FBXO46: variants seen among roughly 807,000 people sequenced by gnomAD.
FBXO46 encodes the protein F-box only protein 46.
In FBXO46, 13 loss-of-function variants were observed where a neutral mutation model predicts 30.7. That is an observed-to-expected ratio of 0.42 (90% CI 0.28 to 0.67). FBXO46 has a LOEUF of 0.67. Ranked by LOEUF, FBXO46 falls within the 30% of genes least tolerant of loss-of-function variation. The pLI is 0.21. For synonymous variants in FBXO46, 467 were observed against 385.8 expected (o/e 1.21, Z -2.47); for missense variants, 754 against 871.5 (o/e 0.87, Z 1.70).
upstream of FBXO46, among the ~76,000 whole-genome samples, chr19:45,731,669 G>A (rs1275618851): frequency 6.6e-6 from 1 of 151,858 alleles, no homozygotes; most frequent in East Asian, 1.9e-4. Flanking sequence ...AGCCTTAGGA[G>A]GAAGGAAAGT....
At position 45,711,550 on chromosome 19, in the gene FBXO46, C is replaced by T. The variant is rs1401381563; in HGVS notation, c.*134G>A. 1.3e-6 allele frequency: 1 copy of T among 769,200 alleles called. No individual in the cohort carries two copies. The highest frequency in any genetic ancestry group is 2.0e-5 in the Admixed American group (1 of 50,054). 47.6% of individuals were successfully genotyped at this position (769,200 alleles called of 1,614,324 possible). A position where few individuals can be genotyped will look rare whatever the true frequency, so the allele number is the denominator to read the frequency against. On this transcript the variant is annotated 3_prime_UTR_variant, in exon 2 of 2. Coordinates refer to ENST00000317683, the MANE Select transcript of FBXO46 (RefSeq NM_001080469.2). The stretch of plus-strand genomic sequence containing the variant: ...TTTCCTGGGTCACCCCTGCTGAACC[C>T]CAGCTCAGTTCCGGTGAGGGATCAA...
At position 45,712,152 on chromosome 19, in the gene FBXO46, C is replaced by G. The variant is rs773768972; in HGVS notation, c.1344G>C (p.Leu448Phe). 1.3e-6 allele frequency: 2 copies of G among 1,595,208 alleles called. No individual in the cohort carries two copies. Among genetic ancestry groups the G allele is most frequent in the Non-Finnish European group, 1.7e-6 (2 of 1,171,586 alleles). Residue 448 changes from leucine (L) to phenylalanine (F), a missense_variant, in exon 2 of 2, where the codon TTG becomes TTC. Leu to Phe is a conservative substitution (Grantham distance 22). Coordinates refer to ENST00000317683, the MANE Select transcript of FBXO46 (RefSeq NM_001080469.2). The surrounding 1 kb of genome is among the most constrained non-coding windows in gnomAD (Gnocchi z 8.8). ...EGTADTSLCR[L>F]YRHVSHDFLE... ...GGAAGTCGTGCGACACGTGCCGGTA[C>G]AAGCGGCACAGGGAGGTGTCCGCCG... is the stretch of plus-strand genomic sequence containing the variant.
At chr19:45,732,823 C>G (rs959229420), upstream of FBXO46, among the ~76,000 whole-genome samples, 3 of 151,860 alleles carry the variant, frequency 2.0e-5, no homozygotes, top group African/African-American at 7.3e-5. Context: ...AACTCCTGAC[C>G]TCAAGTGATC....
rs1967950213 is a variant in FBXO46 at position 45,711,057 on chromosome 19, GGAAGA to G, written c.*622_*626del. 8.3e-5 allele frequency: 23 copies of G among 276,368 alleles called. 1 individual carries two copies. The highest frequency in any genetic ancestry group is 7.2e-4 in the South Asian group (23 of 32,022). The allele number at this position is 276,368 out of a possible 1,614,324, so 17.1% of individuals were successfully genotyped here. On this transcript the variant is annotated 3_prime_UTR_variant, in exon 2 of 2. Coordinates refer to ENST00000317683, the MANE Select transcript of FBXO46 (RefSeq NM_001080469.2). Reference sequence around the variant, plus strand: ...TGTCTGCCCCCCTCTTCCTCTACGCGGAAGAGGAGAGACTGGTAGCTTGAGGTTAA... The same window carrying G: ...TGTCTGCCCCCCTCTTCCTCTACGCGGGAGAGACTGGTAGCTTGAGGTTAA...
rs1343915752 is a variant in FBXO46, at chr19:45,712,452, G to A, written c.1044C>T (p.Pro348=). 1 of 1,611,374 alleles carries A rather than the reference G, an allele frequency of 6.2e-7. No homozygotes were observed. The highest frequency in any genetic ancestry group is 1.3e-5 in the African/African-American group (1 of 75,038). ...GGGCAGGGGGCGGAGGGGGCGCCGG[G>A]GGAGTGTCCTCAGGCCTGGCGGGTG... ...SPAPARPEDT[P]PAPPPPPARD... Residue 348 remains proline, a synonymous_variant, in exon 2 of 2, where the codon CCC becomes CCT. Coordinates refer to ENST00000317683, the MANE Select transcript of FBXO46 (RefSeq NM_001080469.2). The surrounding 1 kb of genome is among the most constrained non-coding windows in gnomAD (Gnocchi z 8.8).
chr19:45,717,232 C>G (rs1968105425), intron 1 of FBXO46: 1 of 151,594 alleles, frequency 6.6e-6, no homozygotes, highest in Admixed American at 6.6e-5. Context: ...AGGTGACCCT[C>G]GAAACCTACA....
upstream of FBXO46, among the ~76,000 whole-genome samples, chr19:45,731,440 C>G (rs1174563275): frequency 6.6e-6 from 1 of 151,698 alleles, no homozygotes; most frequent in Non-Finnish European, 1.5e-5. Flanking sequence ...CCTGAGCCTC[C>G]TGAGTAGCTG....
At chr19:45,723,078 A>G (rs1968195169) in intron 1 of FBXO46, among the ~76,000 whole-genome samples, 1 of 151,792 alleles carries the variant, frequency 6.6e-6, no homozygotes, top group Admixed American at 6.6e-5. Context: ...TTAAACATAA[A>G]AATTGAAAGT....
intron 1 of FBXO46, among the ~76,000 whole-genome samples, chr19:45,729,089 G>A (rs375903097): frequency 1.3e-5 from 2 of 151,260 alleles, no homozygotes; most frequent in Non-Finnish European, 2.9e-5. Context: ...CAACAAGAGC[G>A]AAACTCCGCC....
rs1381987265 is a variant in FBXO46, at chr19:45,712,407, G to A, written c.1089C>T (p.Gly363=). The A allele has an allele frequency of 7.5e-6, 12 of 1,608,282 alleles. No individual in the cohort carries two copies. Among genetic ancestry groups the A allele is most frequent in the Non-Finnish European group, 9.3e-6 (11 of 1,179,716 alleles). Residue 363 remains glycine, a synonymous_variant, in exon 2 of 2, where the codon GGC becomes GGT. Transcript: ENST00000317683. The surrounding 1 kb of genome is among the most constrained non-coding windows in gnomAD (Gnocchi z 8.8). Reference sequence around the variant, plus strand: ...CCGTCACCACCACGTCCACGTGGAAGCCTGACGCTCCGCAGTCCCGGGCAG... The same window carrying A: ...CCGTCACCACCACGTCCACGTGGAAACCTGACGCTCCGCAGTCCCGGGCAG... ...PPPARDCGAS[G]FHVDVVVTGV...
rs1315427569 is a variant in FBXO46 at position 45,722,686 on chromosome 19, CG to C, written c.-79+8162del. Among the ~76,000 whole-genome samples, 3 of 151,284 alleles carry C rather than the reference CG, an allele frequency of 2.0e-5. No homozygotes were observed. In the Admixed American group the frequency reaches 2.0e-4, roughly 10 times the overall value. On this transcript the variant is annotated intron_variant, in intron 1 of 1. Transcript: ENST00000317683. ...CTGAGGCAGGAGAATGGCGTGAACCCGGGAGGCGGAGCTTGCAGTGAGCCGA... is the reference window on the plus strand; with the variant it reads ...CTGAGGCAGGAGAATGGCGTGAACCCGGAGGCGGAGCTTGCAGTGAGCCGA...
At position 45,713,599 on chromosome 19, in the gene FBXO46, G is replaced by A; in HGVS notation, c.-78-26C>T. 1.1e-6 allele frequency: 1 copy of A among 932,086 alleles called. No individual in the cohort carries two copies. Among genetic ancestry groups the A allele is most frequent in the South Asian group, 1.8e-5 (1 of 56,144 alleles). 57.7% of individuals were successfully genotyped at this position (932,086 alleles called of 1,614,324 possible). ...CTGGAGACACGAAGAGGAGGTTGGG[G>A]AGCTAGGGGGACAGCCTTTCTTCCC... On this transcript the variant is annotated intron_variant, in intron 1 of 1. Transcript: ENST00000317683. The surrounding 1 kb of genome is among the most constrained non-coding windows in gnomAD (Gnocchi z 4.7).
chr19:45,718,089 C>T (rs1197164547), intron 1 of FBXO46, among the ~76,000 whole-genome samples: 1 of 152,182 alleles, frequency 6.6e-6, no homozygotes, highest in South Asian at 2.1e-4. Context: ...CCAGTGCCCT[C>T]TGGAAAACAC....
chr19:45,732,978 T>C (rs16979984), upstream of FBXO46, among the ~76,000 whole-genome samples: 4,125 of 152,142 alleles, frequency 0.027, 183 homozygotes, highest in African/African-American at 0.093. Context: ...TTCTCGATTG[T>C]ACTGGGAAGA....
chr19:45,710,727 CAAAA>C lies in FBXO46; in HGVS notation c.*953_*956del, dbSNP rs1188562675. ...CACGATGGAAAGAAAAAAAAGAAAA[CAAAA>C]AACAGAGAGAACAAACAAAAATACC... On this transcript the variant is annotated 3_prime_UTR_variant, in exon 2 of 2. Transcript: ENST00000317683. 6.6e-6 allele frequency: 1 copy of C among 152,222 alleles called. No homozygotes were observed. Among genetic ancestry groups the C allele is most frequent in the Non-Finnish European group, 1.5e-5 (1 of 68,116 alleles). The allele number at this position is 152,222 out of a possible 1,614,324, so 9.4% of individuals were successfully genotyped here. A position where few individuals can be genotyped will look rare whatever the true frequency, so the allele number is the denominator to read the frequency against.
At chr19:45,732,875 C>T (rs1968344519), upstream of FBXO46, among the ~76,000 whole-genome samples, 1 of 152,076 alleles carries the variant, frequency 6.6e-6, no homozygotes, top group African/African-American at 2.4e-5. Flanking sequence ...TCAAATGGCC[C>T]TCCTCTTTGA....
chr19:45,732,464 C>T (rs1314240831), upstream of FBXO46, among the ~76,000 whole-genome samples: 1 of 122,722 alleles, frequency 8.1e-6, no homozygotes, highest in African/African-American at 3.1e-5. Flanking sequence ...TAATCTCAGC[C>T]GGGAGACTGG....
At chr19:45,728,980 G>A (rs1968274306) in intron 1 of FBXO46, among the ~76,000 whole-genome samples, 1 of 151,568 alleles carries the variant, frequency 6.6e-6, no homozygotes, top group Non-Finnish European at 1.5e-5. Context: ...ACGTGGTGGC[G>A]CATGCCTGCA....
rs112023964 is a variant in FBXO46 at position 45,722,441 on chromosome 19, T to G, written c.-79+8408A>C. Among the ~76,000 whole-genome samples, 103 of 152,162 alleles carry G rather than the reference T, an allele frequency of 6.8e-4. 1 individual carries two copies. Among genetic ancestry groups the G allele is most frequent in the African/African-American group, 2.4e-3 (98 of 41,508 alleles). On this transcript the variant is annotated intron_variant, in intron 1 of 1. Transcript: ENST00000317683. ...CATCCACCCATGGGCTGGCTGACCATCCGCTGAAACAAACCCAGCAGAGCA... is the reference window on the plus strand; with the variant it reads ...CATCCACCCATGGGCTGGCTGACCAGCCGCTGAAACAAACCCAGCAGAGCA...
Sources: allele counts gnomAD v4.1 joint callset (sites outside exome capture counted in the v4.1 genomes callset), GRCh38; gene constraint gnomAD v4.1.1; non-coding constraint Gnocchi (gnomAD v3.1); transcripts MANE v1.5; gene names NCBI Gene and HGNC (gene_info 2026-07-23, HGNC 2026-07-21).